Variants in OPCML observed in about 807,000 individuals in gnomAD.
OPCML encodes the protein opioid binding protein/cell adhesion molecule like, also known as opioid-binding protein/cell adhesion molecule.
In OPCML, 13 loss-of-function variants were observed where a neutral mutation model predicts 37.8. The observed-to-expected ratio is 0.34, with a 90% CI of 0.22 to 0.55. OPCML has a LOEUF of 0.55. Among genes scored for constraint, OPCML ranks in the 20% least tolerant of loss-of-function variants. OPCML has a pLI of 0.91. For missense variants in OPCML, 341 were observed against 435.6 expected, an observed-to-expected ratio of 0.78 and a Z score of 1.93; for synonymous variants, 176 against 168.8, an observed-to-expected ratio of 1.04 and a Z score of -0.33.
intron 7 of OPCML, among the ~76,000 whole-genome samples, chr11:132,421,544 G>A (rs755186790): frequency 1.3e-5 from 2 of 152,134 alleles, no homozygotes; most frequent in Admixed American, 6.5e-5. Flanking sequence ...GGAAAGTCAC[G>A]TCTCTCACTT....
intron 1 of OPCML, among the ~76,000 whole-genome samples, chr11:133,092,621 G>A (rs1037541209): frequency 2.0e-5 from 3 of 152,114 alleles, no homozygotes; most frequent in Admixed American, 1.3e-4. Flanking sequence ...AGCTACTCAG[G>A]AGGCTGAGGC....
At chr11:133,367,142 C>G (rs1344560728) in intron 1 of OPCML, among the ~76,000 whole-genome samples, 1 of 152,166 alleles carries the variant, frequency 6.6e-6, no homozygotes, top group Non-Finnish European at 1.5e-5. Flanking sequence ...CGACACCCAG[C>G]TAACTTTTTT....
At chr11:132,780,628 AG>A (rs1422080390) in intron 2 of OPCML, among the ~76,000 whole-genome samples, 4 of 152,196 alleles carry the variant, frequency 2.6e-5, no homozygotes, top group African/African-American at 9.6e-5. Flanking sequence ...TGGGAGGTAG[AG>A]GAATGTAACA....
chr11:132,988,077 G>A (rs1342121038), intron 1 of OPCML, among the ~76,000 whole-genome samples: 1 of 152,118 alleles, frequency 6.6e-6, no homozygotes, highest in Non-Finnish European at 1.5e-5. Context: ...AATAAAACAA[G>A]GACAGCGCAT....
intron 2 of OPCML, among the ~76,000 whole-genome samples, chr11:132,850,713 C>T (rs1259935899): frequency 1.3e-5 from 2 of 152,104 alleles, no homozygotes; most frequent in South Asian, 4.1e-4. Flanking sequence ...ATAGCTTTCC[C>T]ACCTCCTAAA....
intron 1 of OPCML, among the ~76,000 whole-genome samples, chr11:133,048,317 A>G (rs1948061787): frequency 6.6e-6 from 1 of 152,094 alleles, no homozygotes. Context: ...ACAAATAGTA[A>G]CGTTGAGTTT....
intron 2 of OPCML, among the ~76,000 whole-genome samples, chr11:132,747,927 T>C (rs553804192): frequency 2.0e-4 from 30 of 152,140 alleles, no homozygotes; most frequent in Non-Finnish European, 1.2e-4. Context: ...TCACCTGGCT[T>C]CATAATATTT....
intron 4 of OPCML, among the ~76,000 whole-genome samples, chr11:132,479,852 G>A (rs541866597): frequency 5.4e-4 from 82 of 152,150 alleles, no homozygotes; most frequent in Non-Finnish European, 9.3e-4. Context: ...AAGGACATCC[G>A]CACAAAAAAC....
intron 2 of OPCML, among the ~76,000 whole-genome samples, chr11:132,878,054 T>A (rs940105800): frequency 3.9e-5 from 6 of 152,164 alleles, no homozygotes; most frequent in Non-Finnish European, 7.3e-5. Flanking sequence ...TGGTGGCACA[T>A]GCCTGTAGTT....
At chr11:132,449,967 G>A (rs2096064482) in intron 4 of OPCML, among the ~76,000 whole-genome samples, 1 of 152,172 alleles carries the variant, frequency 6.6e-6, no homozygotes, top group Non-Finnish European at 1.5e-5. Flanking sequence ...CTTCTAGGAA[G>A]TGAAGTTTGG....
chr11:133,378,690 T>A (rs1379301154), intron 1 of OPCML, among the ~76,000 whole-genome samples: 1 of 151,378 alleles, frequency 6.6e-6, no homozygotes, highest in Non-Finnish European at 1.5e-5. Context: ...CTTTCTTTCT[T>A]TCTTTTTTTC....
chr11:133,114,518 T>A (rs1403466462), intron 1 of OPCML, among the ~76,000 whole-genome samples: 1 of 152,196 alleles, frequency 6.6e-6, no homozygotes, highest in African/African-American at 2.4e-5. Context: ...TAATTGTGTG[T>A]CCTGAACCCA....
intron 1 of OPCML, among the ~76,000 whole-genome samples, chr11:133,243,818 A>G (rs1442284365): frequency 1.3e-5 from 2 of 152,238 alleles, no homozygotes; most frequent in African/African-American, 4.8e-5. Context: ...ACAGTCGGAA[A>G]AGCAACTGCT....
rs529652739 is a variant in OPCML, at chr11:133,379,294, T to C, written c.61+152970A>G. On this transcript the variant is annotated intron_variant, in intron 1 of 7. Coordinates refer to ENST00000524381, the MANE Select transcript of OPCML (RefSeq NM_001012393.5). ...CCCTGTGTTATCCCTTTCTTACCTA[T>C]GGATGCTCTGGTCTTCTACACCCCT... is the stretch of plus-strand genomic sequence containing the variant. 1.9e-3 allele frequency among the ~76,000 whole-genome samples: 283 copies of C among 152,336 alleles called. 4 individuals carry two copies. The highest frequency in any genetic ancestry group is 1.1e-3 in the Non-Finnish European group (74 of 68,028).
intron 1 of OPCML, among the ~76,000 whole-genome samples, chr11:133,507,970 A>G (rs1212480550): frequency 6.6e-6 from 1 of 151,962 alleles, no homozygotes; most frequent in Non-Finnish European, 1.5e-5. Context: ...AAAATCTCAA[A>G]TGACTCAGAG....
At chr11:132,751,126 C>G (rs1945817541) in intron 2 of OPCML, among the ~76,000 whole-genome samples, 3 of 152,202 alleles carry the variant, frequency 2.0e-5, no homozygotes, top group Non-Finnish European at 4.4e-5. Context: ...GGCTAAGTCT[C>G]TCATTTGGGT....
chr11:133,394,350 C>T (rs1310267584), intron 1 of OPCML, among the ~76,000 whole-genome samples: 5 of 152,120 alleles, frequency 3.3e-5, no homozygotes, highest in Admixed American at 6.5e-5. Flanking sequence ...GTATAATTAT[C>T]ACATCAGGGT....
At chr11:133,175,319 G>T (rs981938654) in intron 1 of OPCML, among the ~76,000 whole-genome samples, 3 of 152,132 alleles carry the variant, frequency 2.0e-5, no homozygotes, top group Non-Finnish European at 4.4e-5. Flanking sequence ...GTCCACTGGA[G>T]CCATGAGTAA....
chr11:133,337,204 G>A (rs1943762178), intron 1 of OPCML, among the ~76,000 whole-genome samples: 1 of 152,332 alleles, frequency 6.6e-6, no homozygotes, highest in Non-Finnish European at 1.5e-5. Flanking sequence ...GGCAAGAGAT[G>A]CCAAGGAGTC....
Sources: gnomAD v4.1 joint callset for allele counts (sites outside exome capture counted in the v4.1 genomes callset) on GRCh38, gnomAD v4.1.1 for gene constraint, MANE v1.5 for transcripts, NCBI Gene and HGNC (gene_info 2026-07-23, HGNC 2026-07-21) for gene names.